The following SNX30 variants were observed in gnomAD, a reference collection of about 807,000 sequenced individuals.
SNX30 encodes sorting nexin-30.
A neutral mutation model predicts 46.4 loss-of-function variants in SNX30; 24 were observed. The ratio of observed to expected loss-of-function variants is 0.52; its 90% CI spans 0.37 to 0.73. The LOEUF (loss-of-function observed/expected upper bound fraction) is 0.73. Ranked by LOEUF, SNX30 falls within the 30% of genes least tolerant of loss-of-function variation. The probability of loss-of-function intolerance (pLI) is 0.00; values close to 1 mark genes in which losing one functional copy is unlikely to be tolerated. For missense variants in SNX30, 533 were observed against 555.7 expected (o/e 0.96, Z 0.41); for synonymous variants, 189 against 211.5 (o/e 0.89, Z 0.92).
At position 112,871,232 on chromosome 9, in the gene SNX30, G is replaced by C. The variant is rs529081085; in HGVS notation, c.*2389G>C. The C allele has an allele frequency of 6.6e-6, 1 of 152,322 alleles. No homozygotes were observed. Among genetic ancestry groups the C allele is most frequent in the African/African-American group, 2.4e-5 (1 of 41,556 alleles). The allele number at this position is 152,322 out of a possible 1,614,324, so 9.4% of individuals were successfully genotyped here. A position where few individuals can be genotyped will look rare whatever the true frequency, so the allele number is the denominator to read the frequency against. ...ATGTTATTGATAACAGAGCCAGGAA[G>C]TCCAGTGTACATTACAGATTTTCTG... On this transcript the variant is annotated 3_prime_UTR_variant, in exon 9 of 9. Transcript: ENST00000374232.
At chr9:112,855,992 T>C (rs1372321805) in intron 7 of SNX30, among the ~76,000 whole-genome samples, 2 of 152,150 alleles carry the variant, frequency 1.3e-5, no homozygotes, top group Non-Finnish European at 1.5e-5. Flanking sequence ...ATCCGCACCT[T>C]CGAATGACAG....
chr9:112,797,106 G>A (rs998543415), intron 1 of SNX30, among the ~76,000 whole-genome samples: 1 of 152,178 alleles, frequency 6.6e-6, no homozygotes, highest in South Asian at 2.1e-4. Flanking sequence ...CACATCTGCT[G>A]CTAGGCAGGG....
chr9:112,826,634 C>T (rs1246549488), intron 3 of SNX30, among the ~76,000 whole-genome samples: 1 of 151,996 alleles, frequency 6.6e-6, no homozygotes, highest in African/African-American at 2.4e-5. Flanking sequence ...TCCACAGGGG[C>T]TAAGGAATGG....
intron 1 of SNX30, among the ~76,000 whole-genome samples, chr9:112,766,694 G>A (rs765624970): frequency 9.2e-5 from 14 of 152,116 alleles, no homozygotes; most frequent in Non-Finnish European, 2.1e-4. Flanking sequence ...GATTCCTCCT[G>A]TAAATAGAAT....
Position 112,847,466 on chromosome 9 carries a change from A to G in SNX30, c.1015-3393A>G, listed in dbSNP as rs537450269. Among the ~76,000 whole-genome samples the G allele has an allele frequency of 4.1e-4, 62 of 151,524 alleles. No homozygotes were observed. The East Asian group carries it at 0.012, about 29-fold the overall frequency. On this transcript the variant is annotated intron_variant, in intron 6 of 8. Transcript: ENST00000374232. ...GCATTCTTTTTTTTTTTTTTTTAAA[A>G]AGGACTACCTAATTATGTTTAAATA...
chr9:112,844,127 G>A (rs955918771), intron 6 of SNX30, among the ~76,000 whole-genome samples: 20 of 152,178 alleles, frequency 1.3e-4, no homozygotes, highest in African/African-American at 4.6e-4. Flanking sequence ...GACTGCAGTG[G>A]TAGAGACGTG....
chr9:112,838,636 A>G lies in SNX30; in HGVS notation c.953A>G (p.Asp318Gly). The G allele has an allele frequency of 6.2e-7, 1 of 1,614,194 alleles. No individual in the cohort carries two copies. The highest frequency in any genetic ancestry group is 1.1e-5 in the South Asian group (1 of 91,088). Residue 318 changes from aspartate (D) to glycine (G), a missense_variant, in exon 6 of 9, where the codon GAC becomes GGC. Physicochemically the swap from Asp to Gly is moderately conservative, Grantham distance 94 (BLOSUM62 -1). This residue lies in a region of SNX30 where 261 missense variants were observed against 270.9 expected (regional missense o/e 0.96). Coordinates refer to ENST00000374232, the MANE Select transcript of SNX30 (RefSeq NM_001012994.2). ...ACAGCCTTAGAAGAGCTGACAGATG[A>G]CATGACAGAAGACTTCCTACCTGTG... Reference protein sequence around the residue: ...CSTALEELTDDMTEDFLPVLR... With the variant: ...CSTALEELTDGMTEDFLPVLR...
chr9:112,856,295 T>G (rs1588140149), intron 7 of SNX30, among the ~76,000 whole-genome samples: 2 of 109,552 alleles, frequency 1.8e-5, no homozygotes, highest in African/African-American at 6.8e-5. Flanking sequence ...GGACCTGGGG[T>G]GTCGGTGTTG....
rs181049063 is a variant in SNX30 at position 112,834,382 on chromosome 9, C to G, written c.619-1832C>G. 2.6e-5 allele frequency among the ~76,000 whole-genome samples: 4 copies of G among 152,302 alleles called. No homozygotes were observed. The East Asian group carries it at 7.7e-4, about 29-fold the overall frequency. ...CAAGTTGGGCTTCCCGTGACCTCTT[C>G]TTTGGGTTCCATTAATTTGCTAGAG... On this transcript the variant is annotated intron_variant, in intron 4 of 8. Transcript: ENST00000374232.
intron 8 of SNX30, chr9:112,866,355 T>C: frequency 2.3e-6 from 1 of 438,110 alleles, no homozygotes; most frequent in South Asian, 1.7e-5. Context: ...AGACAGAGGC[T>C]TGGAAAACAT....
intron 1 of SNX30, among the ~76,000 whole-genome samples, chr9:112,756,564 G>A (rs1483513171): frequency 1.4e-5 from 2 of 147,442 alleles, no homozygotes; most frequent in Admixed American, 1.4e-4. Context: ...GGGTTCAAGC[G>A]ATTTTCCTGC....
intron 4 of SNX30, among the ~76,000 whole-genome samples, chr9:112,831,747 A>G (rs1840662189): frequency 6.6e-6 from 1 of 152,206 alleles, no homozygotes; most frequent in African/African-American, 2.4e-5. Context: ...GATTCTGTGT[A>G]TTCAAACTCA....
chr9:112,868,603 C>T (rs1220558176), intron 8 of SNX30, among the ~76,000 whole-genome samples, 181 bp from the exon 9 acceptor site: 1 of 152,208 alleles, frequency 6.6e-6, no homozygotes, highest in Non-Finnish European at 1.5e-5. Flanking sequence ...TGGGGTGACG[C>T]ATTCAAAACA....
chr9:112,848,698 G>T (rs1457110569), intron 6 of SNX30, among the ~76,000 whole-genome samples: 2 of 152,242 alleles, frequency 1.3e-5, no homozygotes, highest in Admixed American at 6.5e-5. Flanking sequence ...CAGCATTCTG[G>T]CCACGCTGGA....
chr9:112,821,901 C>T (rs1161418641), intron 3 of SNX30, among the ~76,000 whole-genome samples: 2 of 152,144 alleles, frequency 1.3e-5, no homozygotes, highest in Non-Finnish European at 2.9e-5. Flanking sequence ...AAGCGATTCT[C>T]CCACCTCAAC....
rs1841432762 is a variant in SNX30, at chr9:112,870,711, C to T, written c.*1868C>T. On this transcript the variant is annotated 3_prime_UTR_variant, in exon 9 of 9. Coordinates refer to ENST00000374232, the MANE Select transcript of SNX30 (RefSeq NM_001012994.2). ...TTGACGTGGGTATGGACGCCTGGGT[C>T]TGACCTGACACTGTGCTGGGAGAAT... 1.3e-5 allele frequency: 2 copies of T among 152,344 alleles called. No individual in the cohort carries two copies. Among genetic ancestry groups the T allele is most frequent in the Admixed American group, 1.3e-4 (2 of 15,306 alleles). The allele number at this position is 152,344 out of a possible 1,614,324, so 9.4% of individuals were successfully genotyped here.
chr9:112,866,693 TCTCCCACCTCCTGGGAATTC>T (rs2131511893), intron 8 of SNX30, among the ~76,000 whole-genome samples: 1 of 135,474 alleles, frequency 7.4e-6, no homozygotes, highest in South Asian at 2.4e-4. Flanking sequence ...CCTCAGAACT[TCTCCCACCTCCTGGGAATTC>T]CTCCCACCTC....
chr9:112,785,282 C>G (rs1839904420), intron 1 of SNX30, among the ~76,000 whole-genome samples: 1 of 151,824 alleles, frequency 6.6e-6, no homozygotes, highest in Non-Finnish European at 1.5e-5. Context: ...GTAGTGTGAT[C>G]ACAGCTCCCT....
At chr9:112,805,491 C>T (rs943410592) in intron 2 of SNX30, among the ~76,000 whole-genome samples, 6 of 152,126 alleles carry the variant, frequency 3.9e-5, no homozygotes, top group African/African-American at 9.7e-5. Flanking sequence ...TATTTTGAGA[C>T]AGAGTCTTGC....
Sources: allele counts gnomAD v4.1 joint callset (sites outside exome capture counted in the v4.1 genomes callset), GRCh38; gene constraint gnomAD v4.1.1; regional missense constraint gnomAD v4.1.1; transcripts MANE v1.5; gene names NCBI Gene and HGNC (gene_info 2026-07-23, HGNC 2026-07-21).